Variants in TBCK observed in about 807,000 individuals in gnomAD.
TBCK encodes the protein TBC1 domain containing kinase.
TBCK carries 99 observed loss-of-function variants against 113.4 expected under a neutral mutation model. That is an observed-to-expected ratio of 0.87 (90% CI 0.74 to 1.03). TBCK has a LOEUF of 1.03. Among genes scored for constraint, TBCK ranks in the 50% least tolerant of loss-of-function variants. The probability of loss-of-function intolerance (pLI) is 0.00; values close to 1 mark genes in which losing one functional copy is unlikely to be tolerated. For missense variants in TBCK, 1,045 were observed against 1,061.3 expected (o/e 0.98, Z 0.21); for synonymous variants, 369 against 370.8 (o/e 1.00, Z 0.05).
intron 25 of TBCK, among the ~76,000 whole-genome samples, chr4:106,079,408 G>A (rs1738603472): frequency 6.6e-6 from 1 of 152,214 alleles, no homozygotes; most frequent in Non-Finnish European, 1.5e-5. Context: ...TGATATGATT[G>A]TATACCTAGA....
At chr4:106,256,980 T>A (rs1762062124) in intron 5 of TBCK, among the ~76,000 whole-genome samples, 1 of 152,140 alleles carries the variant, frequency 6.6e-6, no homozygotes, top group Admixed American at 6.5e-5. Context: ...CGTATCTTTT[T>A]ATAAACCCTC....
chr4:106,044,121 C>T lies in TBCK; in HGVS notation c.*2449G>A, dbSNP rs1004775631. The T allele has an allele frequency of 1.3e-5, 2 of 152,150 alleles. No individual in the cohort carries two copies. Among genetic ancestry groups the T allele is most frequent in the Admixed American group, 6.5e-5 (1 of 15,272 alleles). 9.4% of individuals were successfully genotyped at this position (152,150 alleles called of 1,614,324 possible). A position where few individuals can be genotyped will look rare whatever the true frequency, so the allele number is the denominator to read the frequency against. On this transcript the variant is annotated 3_prime_UTR_variant, in exon 26 of 26. Coordinates refer to ENST00000394708, the MANE Select transcript of TBCK (RefSeq NM_001163435.3). The stretch of plus-strand genomic sequence containing the variant: ...GACAGAGGGTTGCTACTATTATCTT[C>T]TTACATAGCTCTCTTCACAAGGTCT...
At chr4:106,223,571 C>T (rs574916841) in intron 19 of TBCK, among the ~76,000 whole-genome samples, 5 of 152,050 alleles carry the variant, frequency 3.3e-5, no homozygotes, top group African/African-American at 7.2e-5. Context: ...GAAGAACATA[C>T]GATTCTTTCC....
intron 19 of TBCK, among the ~76,000 whole-genome samples, chr4:106,215,240 G>A (rs1171095079): frequency 7.2e-5 from 11 of 151,880 alleles, no homozygotes; most frequent in African/African-American, 1.9e-4. Flanking sequence ...AGGAACAACC[G>A]GTACCAGCCG....
At chr4:106,190,386 A>C (rs995068634) in intron 22 of TBCK, among the ~76,000 whole-genome samples, 35 of 152,216 alleles carry the variant, frequency 2.3e-4, no homozygotes, top group African/African-American at 8.4e-4. Flanking sequence ...ATAATGGAAA[A>C]GTTATAGTAG....
intron 1 of TBCK, among the ~76,000 whole-genome samples, chr4:106,315,010 C>T (rs979946355): frequency 1.3e-5 from 2 of 152,114 alleles, no homozygotes; most frequent in African/African-American, 4.8e-5. Context: ...AAAGATAAAA[C>T]ACTAATTAGC....
intron 24 of TBCK, among the ~76,000 whole-genome samples, chr4:106,100,901 G>C (rs1413789755): frequency 6.6e-6 from 1 of 152,046 alleles, no homozygotes; most frequent in Non-Finnish European, 1.5e-5. Context: ...CAAACAATGT[G>C]ATTTTTCAAT....
At chr4:106,070,466 C>A (rs553059651) in intron 25 of TBCK, among the ~76,000 whole-genome samples, 1 of 152,102 alleles carries the variant, frequency 6.6e-6, no homozygotes, top group African/African-American at 2.4e-5. Flanking sequence ...TATGTTGAGC[C>A]AGCCTTCCAT....
intron 22 of TBCK, among the ~76,000 whole-genome samples, chr4:106,180,645 A>C (rs933468140): frequency 6.6e-6 from 1 of 151,662 alleles, no homozygotes; most frequent in Non-Finnish European, 1.5e-5. Context: ...TTGGTTTTCT[A>C]TCTTGTGATA....
chr4:106,110,904 C>T (rs543982297), intron 24 of TBCK, among the ~76,000 whole-genome samples: 72 of 151,978 alleles, frequency 4.7e-4, no homozygotes, highest in Non-Finnish European at 7.9e-4. Flanking sequence ...TGCTGTCTTA[C>T]GCAAGCAGCA....
chr4:106,233,183 C>A, intron 16 of TBCK, 119 bp from the exon 17 acceptor site: 1 of 1,020,676 alleles, frequency 9.8e-7, no homozygotes, highest in Non-Finnish European at 1.4e-6. Context: ...CAAAACAGAC[C>A]AACTTCTTAA....
At chr4:106,289,710 G>C (rs1432379799) in intron 3 of TBCK, among the ~76,000 whole-genome samples, 1 of 150,990 alleles carries the variant, frequency 6.6e-6, no homozygotes, top group Non-Finnish European at 1.5e-5. Context: ...AGAGGTTGCA[G>C]TGAGCCGAGA....
intron 25 of TBCK, among the ~76,000 whole-genome samples, chr4:106,068,495 T>C (rs1736938928): frequency 6.6e-6 from 1 of 152,254 alleles, no homozygotes; most frequent in South Asian, 2.1e-4. Context: ...TTTTTATGGC[T>C]GCATAATATT....
chr4:106,077,972 T>A (rs1273097416), intron 25 of TBCK, among the ~76,000 whole-genome samples: 5 of 152,146 alleles, frequency 3.3e-5, no homozygotes, highest in Non-Finnish European at 5.9e-5. Flanking sequence ...CACAGCATAG[T>A]AAAAACAGCA....
intron 20 of TBCK, among the ~76,000 whole-genome samples, chr4:106,194,973 T>A (rs557549969): frequency 3.9e-5 from 6 of 152,110 alleles, no homozygotes; most frequent in African/African-American, 1.4e-4. Context: ...GTGAATCATA[T>A]CTAACTGGAT....
rs762144732 is a variant in TBCK, at chr4:106,310,559, CTG to C, written c.-29-1572_-29-1571del. On this transcript the variant is annotated intron_variant, in intron 1 of 25. Coordinates refer to ENST00000394708, the MANE Select transcript of TBCK (RefSeq NM_001163435.3). ...TTCTTCCCTAAAGAAGCTGAACAAA[CTG>C]AGAACTACACTAGTTGCTATGGACA... 4 of 152,220 alleles carry C rather than the reference CTG, an allele frequency of 2.6e-5. No individual in the cohort carries two copies. In the East Asian group the frequency reaches 7.7e-4, roughly 29 times the overall value. 9.4% of individuals were successfully genotyped at this position (152,220 alleles called of 1,614,324 possible).
intron 4 of TBCK, 98 bp from the exon 5 acceptor site, chr4:106,260,608 A>C: frequency 2.4e-6 from 1 of 414,116 alleles, no homozygotes; most frequent in Middle Eastern, 7.1e-4. Flanking sequence ...TTTATAACTA[A>C]AGAAACCATT....
rs148279999 is a variant in TBCK at position 106,231,931 on chromosome 4, G to A, written c.1640-152C>T. ...GAAATATGTTACTTCATGAGTTACT[G>A]TGGGGAGTGAGTGATAGTGTAGCAC... On this transcript the variant is annotated intron_variant, in intron 17 of 25. Coordinates refer to ENST00000394708, the MANE Select transcript of TBCK (RefSeq NM_001163435.3). The A allele has an allele frequency of 2.4e-4, 174 of 710,924 alleles. 1 individual carries two copies. The highest frequency in any genetic ancestry group is 3.7e-4 in the Middle Eastern group (1 of 2,668). 44.0% of individuals were successfully genotyped at this position (710,924 alleles called of 1,614,324 possible).
intron 24 of TBCK, among the ~76,000 whole-genome samples, chr4:106,098,180 C>A (rs990656992): frequency 6.6e-6 from 1 of 152,038 alleles, no homozygotes; most frequent in African/African-American, 2.4e-5. Flanking sequence ...TCTGAATCCT[C>A]TACACTAATG....
Sources: allele counts gnomAD v4.1 joint callset (sites outside exome capture counted in the v4.1 genomes callset), GRCh38; gene constraint gnomAD v4.1.1; transcripts MANE v1.5; gene names NCBI Gene and HGNC (gene_info 2026-07-23, HGNC 2026-07-21).